Variants in CNTNAP5 observed in about 807,000 individuals in gnomAD.
CNTNAP5 encodes the protein contactin-associated protein-like 5.
Under a neutral mutation model 150.2 loss-of-function variants are expected in CNTNAP5, and 72 were observed. That is an observed-to-expected ratio of 0.48 (90% CI 0.40 to 0.58). The LOEUF is 0.58. Among genes scored for constraint, CNTNAP5 ranks in the 20% least tolerant of loss-of-function variants. The pLI is 0.00. For synonymous variants in CNTNAP5, 672 were observed against 619.8 expected (o/e 1.08, Z -1.25); for missense variants, 1,636 against 1,626.2 (o/e 1.01, Z -0.10).
chr2:124,323,504 A>G (rs993274868), intron 3 of CNTNAP5, among the ~76,000 whole-genome samples: 1 of 152,208 alleles, frequency 6.6e-6, no homozygotes, highest in African/African-American at 2.4e-5. Context: ...AGTCAGGGGC[A>G]GAGGTTCCAT....
At chr2:124,342,044 T>TA (rs1358246777) in intron 3 of CNTNAP5, among the ~76,000 whole-genome samples, 10 of 152,128 alleles carry the variant, frequency 6.6e-5, no homozygotes, top group Non-Finnish European at 1.5e-4. Context: ...AAGCAAAGGA[T>TA]AAAATCTCAA....
At chr2:124,366,946 C>A (rs1436156094) in intron 3 of CNTNAP5, among the ~76,000 whole-genome samples, 1 of 152,190 alleles carries the variant, frequency 6.6e-6, no homozygotes, top group Non-Finnish European at 1.5e-5. Flanking sequence ...GCTGATAAGA[C>A]ACCCCTCAGC....
chr2:124,741,393 G>T (rs533847700), intron 13 of CNTNAP5, among the ~76,000 whole-genome samples: 1 of 152,204 alleles, frequency 6.6e-6, no homozygotes, highest in East Asian at 1.9e-4. Context: ...TTTCCCAGTT[G>T]TCAAAACTTT....
intron 3 of CNTNAP5, among the ~76,000 whole-genome samples, chr2:124,308,357 C>G (rs901445995): frequency 9.9e-5 from 15 of 152,124 alleles, no homozygotes. Flanking sequence ...TTCTTTATTA[C>G]CTGCTCAGCT....
At chr2:124,074,289 G>A (rs1338904648) in intron 1 of CNTNAP5, among the ~76,000 whole-genome samples, 1 of 152,048 alleles carries the variant, frequency 6.6e-6, no homozygotes, top group African/African-American at 2.4e-5. Flanking sequence ...GTATAACAGG[G>A]TGACTGTGGT....
At chr2:124,721,918 G>T (rs535132924) in intron 13 of CNTNAP5, among the ~76,000 whole-genome samples, 27 of 152,108 alleles carry the variant, frequency 1.8e-4, no homozygotes, top group African/African-American at 5.3e-4. Flanking sequence ...CCTGTCCCCT[G>T]AGTGTGCAGA....
In CNTNAP5 at chr2:124,602,909, A is replaced by G. The variant is rs914613900; in HGVS notation, c.1757-6892A>G. Among the ~76,000 whole-genome samples the G allele has an allele frequency of 9.2e-5, 14 of 152,346 alleles. No homozygotes were observed. In the East Asian group the frequency reaches 1.5e-3, roughly 17 times the overall value. On this transcript the variant is annotated intron_variant, in intron 11 of 23. Transcript: ENST00000682447. ...TCTTTTAAAACATAATCACACTGCC[A>G]TAATTGTAACTATCAAAATTAAAAA... is the stretch of plus-strand genomic sequence containing the variant.
intron 23 of CNTNAP5, among the ~76,000 whole-genome samples, chr2:124,912,642 G>A (rs1253272356): frequency 6.6e-6 from 1 of 152,076 alleles, no homozygotes; most frequent in African/African-American, 2.4e-5. Flanking sequence ...AGAAATGTGG[G>A]AAAGAATTTT....
chr2:124,341,060 A>G (rs545758088), intron 3 of CNTNAP5, among the ~76,000 whole-genome samples: 17 of 151,930 alleles, frequency 1.1e-4, no homozygotes, highest in African/African-American at 4.1e-4. Context: ...TTTAGGTGAC[A>G]CGGTGAGACC....
chr2:124,370,489 T>C (rs964583641), intron 3 of CNTNAP5, among the ~76,000 whole-genome samples: 2 of 152,114 alleles, frequency 1.3e-5, no homozygotes, highest in African/African-American at 4.8e-5. Flanking sequence ...AGAATACTGA[T>C]GGAAGAAACA....
At chr2:124,693,308 A>G (rs1232588288) in intron 13 of CNTNAP5, among the ~76,000 whole-genome samples, 1 of 152,112 alleles carries the variant, frequency 6.6e-6, no homozygotes, top group Non-Finnish European at 1.5e-5. Context: ...ATCTCATTCA[A>G]TGTTCAAAAT....
At chr2:124,542,298 G>A (rs911121526) in intron 10 of CNTNAP5, among the ~76,000 whole-genome samples, 1 of 148,706 alleles carries the variant, frequency 6.7e-6, no homozygotes, top group African/African-American at 2.5e-5. Context: ...CATCTAGTAT[G>A]TTCCAGGACA....
At chr2:124,907,466 AATTCT>A (rs1678561419) in intron 22 of CNTNAP5, among the ~76,000 whole-genome samples, 1 of 149,478 alleles carries the variant, frequency 6.7e-6, no homozygotes, top group Admixed American at 6.7e-5. Flanking sequence ...GTATACAATA[AATTCT>A]ATTCTATAAG....
chr2:124,889,337 C>T (rs1166682054), intron 21 of CNTNAP5, among the ~76,000 whole-genome samples: 4 of 151,828 alleles, frequency 2.6e-5, no homozygotes, highest in South Asian at 4.2e-4. Context: ...GTTATCCGCC[C>T]GCCTTGGCCT....
intron 8 of CNTNAP5, among the ~76,000 whole-genome samples, chr2:124,510,313 C>CTATATATCTATATATTTATATA (rs1175360881): frequency 1.8e-5 from 1 of 54,280 alleles, no homozygotes; most frequent in Non-Finnish European, 3.5e-5. Flanking sequence ...ATATATATAT[C>CTATATATCTATATATTTATATA]TATATATCTA....
intron 1 of CNTNAP5, among the ~76,000 whole-genome samples, chr2:124,030,701 T>G (rs1425832123): frequency 1.3e-5 from 2 of 152,014 alleles, no homozygotes; most frequent in Admixed American, 6.6e-5. Flanking sequence ...ATGCTAAACA[T>G]CACAATGACC....
At chr2:124,155,998 G>A (rs911510430) in intron 1 of CNTNAP5, among the ~76,000 whole-genome samples, 6 of 152,272 alleles carry the variant, frequency 3.9e-5, no homozygotes, top group Non-Finnish European at 7.4e-5. Flanking sequence ...CCCTCACCTC[G>A]TATAAAACAG....
intron 19 of CNTNAP5, among the ~76,000 whole-genome samples, chr2:124,803,491 A>G (rs1392081314): frequency 6.6e-6 from 1 of 152,172 alleles, no homozygotes; most frequent in Non-Finnish European, 1.5e-5. Flanking sequence ...CACTAACTCT[A>G]GGGCTATCCA....
chr2:124,428,172 C>T (rs1692285479), intron 4 of CNTNAP5, among the ~76,000 whole-genome samples: 1 of 152,108 alleles, frequency 6.6e-6, no homozygotes, highest in South Asian at 2.1e-4. Context: ...CTTCTATTCT[C>T]CTATTCCCAC....
Sources: allele counts gnomAD v4.1 joint callset (sites outside exome capture counted in the v4.1 genomes callset), GRCh38; gene constraint gnomAD v4.1.1; transcripts MANE v1.5; gene names NCBI Gene and HGNC (gene_info 2026-07-23, HGNC 2026-07-21).